MPV17: variants seen among roughly 807,000 people sequenced by gnomAD.
MPV17 encodes mitochondrial inner membrane protein MPV17.
MPV17 carries 31 observed loss-of-function variants against 28.6 expected under a neutral mutation model. That is an observed-to-expected ratio of 1.08 (90% CI 0.81 to 1.46). The LOEUF (loss-of-function observed/expected upper bound fraction) is 1.46, where lower values mean the gene tolerates loss of function less well. Ranked by LOEUF, MPV17 falls within the 40% of genes most tolerant of loss-of-function variation. The pLI is 0.00. For synonymous variants in MPV17, 87 were observed against 85.3 expected (o/e 1.02, Z -0.11); for missense variants, 198 against 216.2 (o/e 0.92, Z 0.53).
chr2:27,322,277 A>T (rs1195636751), intron 2 of MPV17, 171 bp downstream of exon 2: 4 of 688,976 alleles, frequency 5.8e-6, no homozygotes, highest in South Asian at 1.6e-5. Flanking sequence ...CCTTAAAAAC[A>T]GCCTTGGGGA....
At chr2:27,316,447 A>C (rs1679656187) in intron 2 of MPV17, among the ~76,000 whole-genome samples, 1 of 152,180 alleles carries the variant, frequency 6.6e-6, no homozygotes, top group African/African-American at 2.4e-5. Context: ...GGTTCATTTC[A>C]GAAGAGTGGT....
Position 27,310,447 on chromosome 2 carries a change from C to A in MPV17, c.462-466G>T, listed in dbSNP as rs1271003045. Among the ~76,000 whole-genome samples the A allele has an allele frequency of 3.9e-5, 6 of 152,182 alleles. No individual in the cohort carries two copies. In the East Asian group the frequency reaches 1.2e-3, roughly 29 times the overall value. On this transcript the variant is annotated intron_variant, in intron 7 of 7. Coordinates refer to ENST00000380044, the MANE Select transcript of MPV17 (RefSeq NM_002437.5). Reference sequence around the variant, plus strand: ...GTGGCTTGCACTAAAGGACAACTGGCTCAAATTCTAGTGCCATCCCAGAGC... The same window carrying A: ...GTGGCTTGCACTAAAGGACAACTGGATCAAATTCTAGTGCCATCCCAGAGC...
chr2:27,312,916 T>G (rs1679509335), intron 3 of MPV17, 78 bp downstream of exon 3: 1 of 1,572,126 alleles, frequency 6.4e-7, no homozygotes, highest in Non-Finnish European at 8.8e-7. Context: ...GGTGTGAGAG[T>G]CCAAGGGAAG....
intron 2 of MPV17, among the ~76,000 whole-genome samples, chr2:27,315,399 G>A (rs766817650): frequency 5.9e-5 from 9 of 152,208 alleles, no homozygotes; most frequent in Non-Finnish European, 1.0e-4. Flanking sequence ...CTGCCAAGAA[G>A]GCCAGGGGAT....
chr2:27,313,101 T>C lies in MPV17; in HGVS notation c.79A>G (p.Met27Val), dbSNP rs750762447. 1 of 1,614,140 alleles carries C rather than the reference T, an allele frequency of 6.2e-7. No individual in the cohort carries two copies. The highest frequency in any genetic ancestry group is 8.5e-7 in the Non-Finnish European group (1 of 1,180,028). ...KVQVLTAGSL[M>V]GLGDIISQQL... The stretch of plus-strand genomic sequence containing the variant: ...TGTGAGATAATGTCACCCAGGCCCA[T>C]CAGGGACCCTATGCAGGGTACACAG... Residue 27 changes from methionine to valine, a missense_variant, in exon 3 of 8, where the codon ATG becomes GTG. By Grantham distance (21) the Met-to-Val change is conservative. Transcript: ENST00000380044.
intron 2 of MPV17, chr2:27,316,331 G>C: frequency 4.0e-6 from 4 of 1,006,968 alleles, no homozygotes. Flanking sequence ...CTTGGAGAAA[G>C]ATGGATTCAA....
At chr2:27,312,654 C>T (rs1375007747) in intron 4 of MPV17, 26 bp downstream of exon 4, 1 of 1,613,474 alleles carries the variant, frequency 6.2e-7, no homozygotes, top group East Asian at 2.2e-5. Context: ...CACAGCTCAC[C>T]CTCCCCACTC....
chr2:27,316,126 T>C, intron 2 of MPV17: 1 of 1,551,078 alleles, frequency 6.4e-7, no homozygotes. Flanking sequence ...CTGTCTTTAC[T>C]CCCCCAAATT....
chr2:27,311,195 C>T (rs1572540939), intron 7 of MPV17: 2 of 174,688 alleles, frequency 1.1e-5, no homozygotes, highest in Admixed American at 1.2e-4. Context: ...GTAGCTGGGA[C>T]TACGGGCACA....
At chr2:27,315,294 G>A (rs1341568866) in intron 2 of MPV17, among the ~76,000 whole-genome samples, 1 of 152,170 alleles carries the variant, frequency 6.6e-6, no homozygotes, top group Non-Finnish European at 1.5e-5. Context: ...GGACGTCGGG[G>A]GAACTGCAGG....
intron 2 of MPV17, among the ~76,000 whole-genome samples, chr2:27,315,114 T>C (rs969723921): frequency 1.3e-5 from 2 of 152,206 alleles, no homozygotes; most frequent in African/African-American, 4.8e-5. Flanking sequence ...GAATCCTAGA[T>C]ACCTTTGTTA....
chr2:27,318,112 A>G (rs1572550163), intron 2 of MPV17, among the ~76,000 whole-genome samples: 1 of 145,152 alleles, frequency 6.9e-6, no homozygotes, highest in Non-Finnish European at 1.5e-5. Context: ...TTTGTCACCC[A>G]GGCTGGAGTG....
chr2:27,314,626 G>GC (rs1010941845), intron 2 of MPV17, among the ~76,000 whole-genome samples: 6 of 152,182 alleles, frequency 3.9e-5, no homozygotes, highest in African/African-American at 1.2e-4. Flanking sequence ...TGTTTACAGA[G>GC]CCCCCAGTCC....
chr2:27,322,343 A>T, intron 2 of MPV17, 105 bp downstream of exon 2: 1 of 1,010,834 alleles, frequency 9.9e-7, no homozygotes, highest in Non-Finnish European at 1.6e-6. Context: ...CAACCCTTCA[A>T]GAGAGCCGAA....
chr2:27,315,844 G>A (rs1371888641), intron 2 of MPV17: 2 of 1,285,134 alleles, frequency 1.6e-6, no homozygotes, highest in African/African-American at 1.5e-5. Context: ...TTATAGGTGT[G>A]AGCCACGGCA....
At position 27,316,850 on chromosome 2, in the gene MPV17, C is replaced by T. The variant is rs1444112452; in HGVS notation, c.71-3741G>A. ...ATGACAGGCTGGGCGTGGAGCCCAG[C>T]GAGCAGATGCTGGCGCAGGTGTGAC... On this transcript the variant is annotated intron_variant, in intron 2 of 7. Coordinates refer to ENST00000380044, the MANE Select transcript of MPV17 (RefSeq NM_002437.5). 1.1e-5 allele frequency: 5 copies of T among 453,590 alleles called. No individual in the cohort carries two copies. The East Asian group carries it at 1.5e-4, about 14-fold the overall frequency. The allele number at this position is 453,590 out of a possible 1,614,324, so 28.1% of individuals were successfully genotyped here.
intron 7 of MPV17, among the ~76,000 whole-genome samples, chr2:27,310,723 A>AT: frequency 6.6e-6 from 1 of 152,306 alleles, no homozygotes; most frequent in Admixed American, 6.5e-5. Context: ...GATTTGGTTC[A>AT]TAAGTCTGTA....
At chr2:27,311,875 G>A in intron 7 of MPV17, 24 bp downstream of exon 7, 1 of 1,612,724 alleles carries the variant, frequency 6.2e-7, no homozygotes, top group Non-Finnish European at 8.5e-7. Context: ...CTTCCTTGAT[G>A]GGTGGGGTAG....
intron 7 of MPV17, 190 bp downstream of exon 7, chr2:27,311,709 A>G: frequency 6.4e-7 from 1 of 1,551,308 alleles, no homozygotes; most frequent in Non-Finnish European, 8.7e-7. Context: ...GTGGGCAGAC[A>G]CTCTGGGACA....
Sources: gnomAD v4.1 joint callset for allele counts (sites outside exome capture counted in the v4.1 genomes callset) on GRCh38, gnomAD v4.1.1 for gene constraint, MANE v1.5 for transcripts, NCBI Gene and HGNC (gene_info 2026-07-23, HGNC 2026-07-21) for gene names.